The following MMP24 variants were observed in gnomAD, a reference collection of about 807,000 sequenced individuals.
MMP24 encodes matrix metalloproteinase-24.
MMP24 carries 25 observed loss-of-function variants against 62.8 expected under a neutral mutation model. The ratio of observed to expected loss-of-function variants is 0.40; its 90% confidence interval spans 0.29 to 0.56. The LOEUF is 0.56. MMP24 is among the 20% of genes least tolerant of loss of function. The pLI, the probability that MMP24 is intolerant of heterozygous loss-of-function variation, is 0.50. For synonymous variants in MMP24, 319 were observed against 350.5 expected, an observed-to-expected ratio of 0.91 and a Z score of 1.00; for missense variants, 634 against 853.6, an observed-to-expected ratio of 0.74 and a Z score of 3.21.
intron 5 of MMP24, among the ~76,000 whole-genome samples, chr20:35,264,991 A>AAAG: frequency 6.6e-6 from 1 of 152,182 alleles, no homozygotes; most frequent in Non-Finnish European, 1.5e-5. Context: ...GCCCTGGAGG[A>AAAG]CAGGCAGGAC....
At chr20:35,228,580 T>C (rs1238031158) in intron 1 of MMP24, among the ~76,000 whole-genome samples, 1 of 152,186 alleles carries the variant, frequency 6.6e-6, no homozygotes, top group Non-Finnish European at 1.5e-5. Context: ...CTTGAGCCAT[T>C]TCCTTGCCCT....
chr20:35,251,962 G>T lies in MMP24; in HGVS notation c.453G>T (p.Arg151=). ...ATCACCCCCACTTAAGCCGTAGGCGGAGAAACAAGCGCTATGCCCTGACTG... is the reference window on the plus strand; with the variant it reads ...ATCACCCCCACTTAAGCCGTAGGCGTAGAAACAAGCGCTATGCCCTGACTG... The part of the protein sequence containing the change: ...VPDHPHLSRR[R]RNKRYALTGQ... Residue 151 remains arginine (R), a synonymous_variant, in exon 3 of 9, where the codon CGG becomes CGT. Coordinates refer to ENST00000246186, the MANE Select transcript of MMP24 (RefSeq NM_006690.4). The T allele has an allele frequency of 1.9e-6, 3 of 1,614,054 alleles. No individual in the cohort carries two copies. The highest frequency in any genetic ancestry group is 2.5e-6 in the Non-Finnish European group (3 of 1,179,890).
rs745653266 is a variant in MMP24, at chr20:35,274,389, A to C, written c.1718A>C (p.Glu573Ala). Residue 573 changes from glutamate (E) to alanine (A), a missense_variant, in exon 9 of 9, where the codon GAG (glutamate) becomes GCG (alanine). Around this residue, in one of 3 missense-constraint regions of MMP24, gnomAD observed 399 missense variants for 530.8 expected, o/e 0.75. Coordinates refer to ENST00000246186, the MANE Select transcript of MMP24 (RefSeq NM_006690.4). This position sits in a 1 kb window ranked among gnomAD's most constrained non-coding sequence, Gnocchi z 5.1. ...LRDWMGCNQK[E>A]VERRKERRLP... ...GACTGGATGGGCTGCAACCAGAAGG[A>C]GGTGGAGCGGCGGAAGGAGCGGCGG... 2 of 1,613,854 alleles carry C rather than the reference A, an allele frequency of 1.2e-6. No homozygotes were observed. The highest frequency in any genetic ancestry group is 1.7e-6 in the Non-Finnish European group (2 of 1,179,886).
intron 1 of MMP24, among the ~76,000 whole-genome samples, chr20:35,227,507 G>A (rs2060419939): frequency 6.6e-6 from 1 of 152,000 alleles, no homozygotes; most frequent in Admixed American, 6.6e-5. Context: ...CAGCGGGAGT[G>A]GGGGTTGCAA....
In MMP24 at chr20:35,272,165, A is replaced by G. The variant is rs2060674063; in HGVS notation, c.1600+330A>G. The G allele has an allele frequency of 1.6e-5, 7 of 440,858 alleles. No homozygotes were observed. The East Asian group carries it at 2.3e-4, about 15-fold the overall frequency. The allele number at this position is 440,858 out of a possible 1,614,324, so 27.3% of individuals were successfully genotyped here. ...CCCAATCTGAAAAGCAATGATGGGC[A>G]TGCATGTTTCAAAGCCACTTTTTCA... On this transcript the variant is annotated intron_variant, in intron 8 of 8. Coordinates refer to ENST00000246186, the MANE Select transcript of MMP24 (RefSeq NM_006690.4).
At chr20:35,258,969 T>TC (rs1252464284) in intron 4 of MMP24, among the ~76,000 whole-genome samples, 1 of 152,000 alleles carries the variant, frequency 6.6e-6, no homozygotes, top group African/African-American at 2.4e-5. Context: ...TCACCTGAGG[T>TC]CAGGAGTTCG....
chr20:35,273,894 C>G (rs1433407234), intron 8 of MMP24, among the ~76,000 whole-genome samples: 1 of 152,208 alleles, frequency 6.6e-6, no homozygotes, highest in Non-Finnish European at 1.5e-5. Flanking sequence ...TTGGCTCAAG[C>G]AGGAGCCAGG....
At chr20:35,263,759 C>T in intron 4 of MMP24, 32 bp from the exon 5 acceptor site, 1 of 1,473,274 alleles carries the variant, frequency 6.8e-7, no homozygotes, top group African/African-American at 1.4e-5. Flanking sequence ...TAAGCAGGTG[C>T]CCTGGGCACC....
intron 1 of MMP24, among the ~76,000 whole-genome samples, chr20:35,246,157 C>A (rs144291378): frequency 6.6e-6 from 1 of 151,884 alleles, no homozygotes; most frequent in Admixed American, 6.6e-5. Flanking sequence ...CTCTGCATCA[C>A]GGAATCAGCC....
At chr20:35,268,803 G>A (rs772025877) in intron 6 of MMP24, among the ~76,000 whole-genome samples, 12 of 150,978 alleles carry the variant, frequency 7.9e-5, no homozygotes, top group South Asian at 2.1e-4. Flanking sequence ...CAAGGAGGGC[G>A]GATCATAAGG....
At chr20:35,237,504 T>G (rs531947307) in intron 1 of MMP24, among the ~76,000 whole-genome samples, 33 of 152,356 alleles carry the variant, frequency 2.2e-4, no homozygotes, top group Non-Finnish European at 4.1e-4. Context: ...GATCCTTAAC[T>G]TAATCATTTC....
chr20:35,265,441 C>CA (rs11482676), intron 5 of MMP24, among the ~76,000 whole-genome samples: 2,785 of 125,814 alleles, frequency 0.022, 72 homozygotes, highest in African/African-American at 0.071. Flanking sequence ...GACTCCGTCT[C>CA]AAAAAAAAAA....
chr20:35,266,564 CTG>C (rs1446863703), intron 5 of MMP24, among the ~76,000 whole-genome samples: 1 of 152,040 alleles, frequency 6.6e-6, no homozygotes, highest in African/African-American at 2.4e-5. Flanking sequence ...GCAAAGGAGA[CTG>C]AGAAAGAACA....
At position 35,269,203 on chromosome 20, in the gene MMP24, T is replaced by G. The variant is rs115095626; in HGVS notation, c.1195-557T>G. The stretch of plus-strand genomic sequence containing the variant: ...GTGCCCCGTACTGGTCTGGGCATTT[T>G]GCCTAGAATCTCTCATCTGATTCTC... On this transcript the variant is annotated intron_variant, in intron 6 of 8. Transcript: ENST00000246186. The surrounding 1 kb of genome is among the most constrained non-coding windows in gnomAD (Gnocchi z 4.6). Among the ~76,000 whole-genome samples, 1,508 of 152,318 alleles carry G rather than the reference T, an allele frequency of 9.9e-3. 15 individuals carry two copies. Among genetic ancestry groups the G allele is most frequent in the African/African-American group, 0.034 (1,429 of 41,558 alleles).
chr20:35,273,906 T>TG (rs2060687415), intron 8 of MMP24, among the ~76,000 whole-genome samples: 1 of 152,194 alleles, frequency 6.6e-6, no homozygotes, highest in African/African-American at 2.4e-5. Context: ...GGAGCCAGGC[T>TG]GAGGCTTAAT....
chr20:35,251,994 A>C lies in MMP24; in HGVS notation c.485A>C (p.Lys162Thr). The C allele has an allele frequency of 6.2e-7, 1 of 1,613,988 alleles. No homozygotes were observed. Among genetic ancestry groups the C allele is most frequent in the Non-Finnish European group, 8.5e-7 (1 of 1,179,844 alleles). ...RNKRYALTGQKWRQKHITYSI... is the reference protein window; with the variant it reads ...RNKRYALTGQTWRQKHITYSI... ...AAGCGCTATGCCCTGACTGGACAGAAGTGGAGGCAAAAACACATCACCTAC... is the reference window on the plus strand; with the variant it reads ...AAGCGCTATGCCCTGACTGGACAGACGTGGAGGCAAAAACACATCACCTAC... Residue 162 changes from lysine (K) to threonine (T), a missense_variant, in exon 3 of 9, where the codon AAG becomes ACG. Lys to Thr is a moderately conservative substitution (Grantham distance 78). Coordinates refer to ENST00000246186, the MANE Select transcript of MMP24 (RefSeq NM_006690.4).
chr20:35,272,520 G>C lies in MMP24; in HGVS notation c.1600+685G>C, dbSNP rs531516195. ...CCCAAAGCCCTGGGATTACAAGTGT[G>C]AGCCACTGCATCAAGAGAGAAACTT... On this transcript the variant is annotated intron_variant, in intron 8 of 8. Transcript: ENST00000246186. Among the ~76,000 whole-genome samples, 5 of 152,286 alleles carry C rather than the reference G, an allele frequency of 3.3e-5. No individual in the cohort carries two copies. The East Asian group carries it at 9.6e-4, about 29-fold the overall frequency.
intron 3 of MMP24, among the ~76,000 whole-genome samples, chr20:35,252,514 C>T (rs2060552641): frequency 6.6e-6 from 1 of 152,226 alleles, no homozygotes; most frequent in Non-Finnish European, 1.5e-5. Context: ...AACCCCATTC[C>T]CTCTGATCTG....
intron 1 of MMP24, among the ~76,000 whole-genome samples, chr20:35,240,297 C>T (rs62211518): frequency 6.6e-6 from 1 of 152,184 alleles, no homozygotes. Flanking sequence ...TGCCTTCTGG[C>T]CGGCAGACCA....
Sources: gnomAD v4.1 joint callset for allele counts (sites outside exome capture counted in the v4.1 genomes callset) on GRCh38, gnomAD v4.1.1 for gene constraint, gnomAD v4.1.1 regional missense constraint, Gnocchi (gnomAD v3.1) non-coding constraint, MANE v1.5 for transcripts, NCBI Gene and HGNC (gene_info 2026-07-23, HGNC 2026-07-21) for gene names.